The following FHIP1A variants were observed in gnomAD, a reference collection of about 807,000 sequenced individuals.
The protein encoded by FHIP1A is FHF complex subunit HOOK-interacting protein 1A.
Under a neutral mutation model 88.6 loss-of-function variants are expected in FHIP1A, and 61 were observed. That is an observed-to-expected ratio of 0.69 (90% CI 0.56 to 0.85). FHIP1A has a LOEUF of 0.85. Among genes scored for constraint, FHIP1A ranks in the 40% least tolerant of loss-of-function variants. The probability of loss-of-function intolerance (pLI) is 0.00; values close to 1 mark genes in which losing one functional copy is unlikely to be tolerated. For synonymous variants in FHIP1A, 478 were observed against 496.0 expected, an observed-to-expected ratio of 0.96 and a Z score of 0.48; for missense variants, 1,154 against 1,273.5, an observed-to-expected ratio of 0.91 and a Z score of 1.43.
chr4:151,415,181 T>C (rs1269208423), intron 1 of FHIP1A, among the ~76,000 whole-genome samples: 1 of 151,750 alleles, frequency 6.6e-6, no homozygotes, highest in Non-Finnish European at 1.5e-5. Flanking sequence ...ATAGTTTTTT[T>C]GGTTTTTTTT....
At chr4:151,601,743 C>T (rs1349909253) in intron 7 of FHIP1A, among the ~76,000 whole-genome samples, 1 of 151,642 alleles carries the variant, frequency 6.6e-6, no homozygotes, top group African/African-American at 2.4e-5. Context: ...CTAGTCCTGG[C>T]TCTTTTGTTT....
chr4:151,442,602 C>A (rs956367987), intron 1 of FHIP1A, among the ~76,000 whole-genome samples: 1 of 152,118 alleles, frequency 6.6e-6, no homozygotes, highest in African/African-American at 2.4e-5. Context: ...TTTCATAAGT[C>A]ATATTCCCAA....
intron 3 of FHIP1A, among the ~76,000 whole-genome samples, chr4:151,494,891 T>C (rs1375617849): frequency 6.6e-6 from 1 of 152,206 alleles, no homozygotes; most frequent in African/African-American, 2.4e-5. Context: ...TGTAGAGATG[T>C]TTCACCTTCC....
At chr4:151,478,602 T>C (rs556559902) in intron 2 of FHIP1A, among the ~76,000 whole-genome samples, 1 of 152,268 alleles carries the variant, frequency 6.6e-6, no homozygotes, top group Admixed American at 6.5e-5. Flanking sequence ...ATACTAGCTG[T>C]GCAAACCAAA....
chr4:151,476,161 ATTTTTTT>A (rs564671344), intron 2 of FHIP1A, among the ~76,000 whole-genome samples: 1 of 111,508 alleles, frequency 9.0e-6, no homozygotes, highest in African/African-American at 3.5e-5. Flanking sequence ...TGCTCGGCCG[ATTTTTTT>A]TTTTTTTTTT....
intron 7 of FHIP1A, among the ~76,000 whole-genome samples, chr4:151,603,324 A>G (rs997919888): frequency 4.0e-5 from 6 of 151,856 alleles, no homozygotes; most frequent in East Asian, 1.9e-4. Flanking sequence ...AAAAAAAAAA[A>G]AGAGAGATTG....
chr4:151,636,377 C>T (rs1736352428), intron 8 of FHIP1A, among the ~76,000 whole-genome samples: 1 of 151,840 alleles, frequency 6.6e-6, no homozygotes. Context: ...ATCTTCTCTC[C>T]TCAATTCTAT....
At chr4:151,444,124 C>G (rs1728508817) in intron 1 of FHIP1A, among the ~76,000 whole-genome samples, 1 of 151,682 alleles carries the variant, frequency 6.6e-6, no homozygotes, top group South Asian at 2.1e-4. Flanking sequence ...AGCGCATACT[C>G]CTTACCCTGT....
At chr4:151,442,358 C>G (rs1312188738) in intron 1 of FHIP1A, among the ~76,000 whole-genome samples, 1 of 151,970 alleles carries the variant, frequency 6.6e-6, no homozygotes, top group African/African-American at 2.4e-5. Context: ...ACAGAAAAAC[C>G]CCCCAAACCT....
At position 151,656,808 on chromosome 4, in the gene FHIP1A, A is replaced by G. The variant is rs201336752; in HGVS notation, c.2779A>G (p.Arg927Gly). 2.1e-3 allele frequency: 3,292 copies of G among 1,551,512 alleles called. 3 individuals are homozygous for G. Among genetic ancestry groups the G allele is most frequent in the Non-Finnish European group, 2.7e-3 (3,097 of 1,146,982 alleles). The part of the protein sequence containing the change: ...NKIEQFASVE[R>G]DFPGLLIQAQ... ...GATTGAACAGTTTGCTTCTGTGGAGAGAGACTTCCCAGGGCTCCTCATTCA... is the reference window on the plus strand; with the variant it reads ...GATTGAACAGTTTGCTTCTGTGGAGGGAGACTTCCCAGGGCTCCTCATTCA... Residue 927 changes from arginine (R) to glycine (G), a missense_variant, in exon 13 of 14, where the codon AGA (arginine) becomes GGA (glycine). Arg to Gly is a moderately radical substitution (Grantham distance 125, BLOSUM62 -2). Transcript: ENST00000435205. This position sits in a 1 kb window ranked among gnomAD's most constrained non-coding sequence, Gnocchi z 4.2.
At chr4:151,635,511 G>GTT (rs1736318511) in intron 8 of FHIP1A, among the ~76,000 whole-genome samples, 4 of 151,800 alleles carry the variant, frequency 2.6e-5, no homozygotes, top group Admixed American at 6.6e-5. Context: ...AAGAGAGTAT[G>GTT]TTATATATAT....
chr4:151,602,861 C>T (rs929922019), intron 7 of FHIP1A, among the ~76,000 whole-genome samples: 1 of 152,066 alleles, frequency 6.6e-6, no homozygotes, highest in South Asian at 2.1e-4. Flanking sequence ...AAAAGACAGA[C>T]ACAAGTGATT....
In FHIP1A at chr4:151,523,788, A is replaced by G. The variant is rs575202446; in HGVS notation, c.-123+41140A>G. 2.0e-5 allele frequency among the ~76,000 whole-genome samples: 3 copies of G among 152,294 alleles called. No homozygotes were observed. The East Asian group carries it at 5.8e-4, about 29-fold the overall frequency. On this transcript the variant is annotated intron_variant, in intron 3 of 13. Transcript: ENST00000435205. ...TCTTCCTTTCCAGTCCAGTCTCTTAATATATGTTTCTTCCAATGATCTATT... is the reference window on the plus strand; with the variant it reads ...TCTTCCTTTCCAGTCCAGTCTCTTAGTATATGTTTCTTCCAATGATCTATT...
At chr4:151,494,819 A>G (rs1175303500) in intron 3 of FHIP1A, among the ~76,000 whole-genome samples, 1 of 152,088 alleles carries the variant, frequency 6.6e-6, no homozygotes, top group African/African-American at 2.4e-5. Context: ...ATGTTTTTCC[A>G]TTTGTTTGTG....
chr4:151,513,279 C>T (rs1298882431), intron 3 of FHIP1A, among the ~76,000 whole-genome samples: 4 of 152,264 alleles, frequency 2.6e-5, no homozygotes, highest in Admixed American at 2.6e-4. Context: ...ACCAGGCTTG[C>T]CCTAAAAGAG....
At chr4:151,449,037 A>G (rs1254082870) in intron 1 of FHIP1A, among the ~76,000 whole-genome samples, 1 of 152,094 alleles carries the variant, frequency 6.6e-6, no homozygotes, top group Non-Finnish European at 1.5e-5. Context: ...CTAATGATAC[A>G]TTTTGTATGT....
At chr4:151,618,494 A>G (rs1735624793) in intron 7 of FHIP1A, among the ~76,000 whole-genome samples, 1 of 152,204 alleles carries the variant, frequency 6.6e-6, no homozygotes, top group South Asian at 2.1e-4. Flanking sequence ...GATTATGTTT[A>G]CAAGGTTTGT....
At chr4:151,645,449 G>C (rs980145778) in intron 9 of FHIP1A, among the ~76,000 whole-genome samples, 15 of 151,970 alleles carry the variant, frequency 9.9e-5, no homozygotes, top group African/African-American at 3.6e-4. Context: ...AGGAGGTATG[G>C]GAGATGGTTG....
intron 3 of FHIP1A, among the ~76,000 whole-genome samples, chr4:151,532,567 G>T (rs868125929): frequency 2.2e-4 from 34 of 152,176 alleles, no homozygotes; most frequent in Middle Eastern, 3.2e-3. Context: ...ATGTCCTAAA[G>T]CTAGGTAAGG....
Sources: gnomAD v4.1 joint callset for allele counts (sites outside exome capture counted in the v4.1 genomes callset) on GRCh38, gnomAD v4.1.1 for gene constraint, Gnocchi (gnomAD v3.1) non-coding constraint, MANE v1.5 for transcripts, NCBI Gene and HGNC (gene_info 2026-07-23, HGNC 2026-07-21) for gene names.